TBPL2: variants seen among roughly 807,000 people sequenced by gnomAD.
The protein encoded by TBPL2 is TATA-box binding protein like 2, also known as TATA box-binding protein-like 2.
TBPL2 carries 40 observed loss-of-function variants against 38.2 expected under a neutral mutation model. The ratio of observed to expected loss-of-function variants is 1.05; its 90% confidence interval spans 0.81 to 1.36. The LOEUF (loss-of-function observed/expected upper bound fraction) is 1.36. Among genes scored for constraint, TBPL2 ranks in the 40% most tolerant of loss-of-function variants. The probability of loss-of-function intolerance (pLI) is 0.00; values close to 1 mark genes in which losing one functional copy is unlikely to be tolerated. For synonymous variants in TBPL2, 169 were observed against 171.7 expected (o/e 0.98, Z 0.12); for missense variants, 461 against 456.7 (o/e 1.01, Z -0.09).
chr14:55,427,953 G>A (rs1236625966), intron 5 of TBPL2, among the ~76,000 whole-genome samples: 1 of 120,660 alleles, frequency 8.3e-6, no homozygotes, highest in Admixed American at 9.7e-5. Flanking sequence ...ATCTCTCACT[G>A]CAAGCTCCGT....
chr14:55,427,880 C>CT (rs551473740), intron 5 of TBPL2, among the ~76,000 whole-genome samples: 3,848 of 130,870 alleles, frequency 0.029, 111 homozygotes, highest in African/African-American at 0.061. Flanking sequence ...GTTAGGATTG[C>CT]TTTTTTTTTT....
At chr14:55,427,523 G>C (rs1249036390) in intron 5 of TBPL2, among the ~76,000 whole-genome samples, 3 of 152,176 alleles carry the variant, frequency 2.0e-5, no homozygotes, top group Admixed American at 1.3e-4. Flanking sequence ...GCCAAGAGAA[G>C]ATAAGGCGTT....
intron 1 of TBPL2, among the ~76,000 whole-genome samples, chr14:55,440,052 A>C (rs1275762053): frequency 6.6e-6 from 1 of 151,904 alleles, no homozygotes; most frequent in Non-Finnish European, 1.5e-5. Context: ...GTGAGCTGAG[A>C]TCGCGCCACT....
chr14:55,416,022 G>A (rs552994148), intron 6 of TBPL2, among the ~76,000 whole-genome samples: 1 of 152,286 alleles, frequency 6.6e-6, no homozygotes, highest in Middle Eastern at 3.4e-3. Flanking sequence ...TGTATAAGAA[G>A]TATCCAGAAG....
At chr14:55,435,908 G>A in exon 3 of TBPL2, 1 of 1,581,956 alleles carries the variant, frequency 6.3e-7, no homozygotes, top group Non-Finnish European at 8.5e-7. Context: ...CAACTTACAG[G>A]CCAGGTTTAC....
chr14:55,418,106 T>G (rs1885693485), intron 6 of TBPL2, among the ~76,000 whole-genome samples: 1 of 152,214 alleles, frequency 6.6e-6, no homozygotes, highest in Non-Finnish European at 1.5e-5. Context: ...TTAGGGACAT[T>G]GGCATGGCTA....
intron 1 of TBPL2, 74 bp from the exon 2 acceptor site, chr14:55,437,092 A>T (rs1886028449): frequency 7.5e-7 from 1 of 1,337,652 alleles, no homozygotes. Flanking sequence ...GGATGTCACT[A>T]TGGCAGGCAG....
In TBPL2 at chr14:55,423,146, G is replaced by A. The variant is rs189168436; in HGVS notation, c.1051+1013C>T. Among the ~76,000 whole-genome samples the A allele has an allele frequency of 6.6e-5, 10 of 152,260 alleles. No individual in the cohort carries two copies. In the East Asian group the frequency reaches 1.3e-3, roughly 21 times the overall value. ...CAAAATGCTATTTATTGGATGTGTT[G>A]AAAAATGGTCGATTTCTGTCTCTGA... On this transcript the variant is annotated intron_variant, in intron 6 of 6. Transcript: ENST00000247219.
chr14:55,432,413 A>G (rs757409774), intron 4 of TBPL2, among the ~76,000 whole-genome samples: 18 of 146,098 alleles, frequency 1.2e-4, no homozygotes, highest in Non-Finnish European at 2.8e-4. Flanking sequence ...ACCGTGTCTC[A>G]GAAAAAAAAA....
intron 4 of TBPL2, among the ~76,000 whole-genome samples, chr14:55,433,071 G>A (rs561262343): frequency 1.3e-5 from 2 of 152,256 alleles, no homozygotes; most frequent in East Asian, 1.9e-4. Context: ...TTGTAGCAGC[G>A]CAGTTAAGTC....
chr14:55,419,418 G>A lies in TBPL2; in HGVS notation c.1051+4741C>T, dbSNP rs7158818. Among the ~76,000 whole-genome samples the A allele has an allele frequency of 4.7e-3, 718 of 152,312 alleles. 5 individuals are homozygous for A. The highest frequency in any genetic ancestry group is 0.017 in the African/African-American group (690 of 41,556). On this transcript the variant is annotated intron_variant, in intron 6 of 6. Transcript: ENST00000247219. ...CTTAGAAGTGGAAGTTGACATATTT[G>A]CTGTTTGTTATACCCCATTCCAGCA...
exon 7 of TBPL2, chr14:55,414,408 G>C (rs1336956171): frequency 6.2e-7 from 1 of 1,609,070 alleles, no homozygotes; most frequent in Admixed American, 1.7e-5. Flanking sequence ...TTTAGAATAG[G>C]ATAGATGTTT....
At position 55,439,613 on chromosome 14, in the gene TBPL2, A is replaced by ACCCCCCCCC. The variant is rs143930267; in HGVS notation, c.150+782_150+783insGGGGGGGGG. Reference sequence around the variant, plus strand: ...CAACACCAGCCTGGGGAGAAAAGCAAACCCCCCCCCGTCTCTACTAAAAAA... The same window carrying ACCCCCCCCC: ...CAACACCAGCCTGGGGAGAAAAGCAACCCCCCCCCACCCCCCCCCGTCTCTACTAAAAAA... On this transcript the variant is annotated intron_variant, in intron 1 of 6. Coordinates refer to ENST00000247219, the Ensembl canonical transcript of TBPL2. Among the ~76,000 whole-genome samples the ACCCCCCCCC allele has an allele frequency of 1.4e-3, 65 of 47,956 alleles. 11 individuals are homozygous for ACCCCCCCCC. Among genetic ancestry groups the ACCCCCCCCC allele is most frequent in the East Asian group, 2.8e-3 (3 of 1,066 alleles). 31.5% of individuals were successfully genotyped at this position (47,956 alleles called of 152,430 possible). A position where few individuals can be genotyped will look rare whatever the true frequency, so the allele number is the denominator to read the frequency against.
intron 4 of TBPL2, among the ~76,000 whole-genome samples, chr14:55,433,161 C>T (rs1885959158): frequency 6.6e-6 from 1 of 152,054 alleles, no homozygotes; most frequent in African/African-American, 2.4e-5. Context: ...CAGGGTCTTG[C>T]TCTGTAACTC....
intron 2 of TBPL2, 75 bp downstream of exon 2, chr14:55,436,486 A>G: frequency 1.6e-6 from 2 of 1,275,756 alleles, no homozygotes; most frequent in Admixed American, 4.1e-5. Context: ...ATTATCCTGA[A>G]ATTAGTTGTC....
intron 5 of TBPL2, 146 bp downstream of exon 5, chr14:55,428,661 C>T: frequency 1.2e-6 from 1 of 825,596 alleles, no homozygotes; most frequent in Non-Finnish European, 1.8e-6. Context: ...AGAACTCAGG[C>T]ATAGCATCTT....
chr14:55,419,889 G>C (rs571616472), intron 6 of TBPL2, among the ~76,000 whole-genome samples: 2 of 152,254 alleles, frequency 1.3e-5, no homozygotes, highest in South Asian at 4.1e-4. Context: ...TTCTAGGCAA[G>C]TTATTTACCA....
At chr14:55,438,513 C>G (rs7145182) in intron 1 of TBPL2, among the ~76,000 whole-genome samples, 88,131 of 151,410 alleles carry the variant, frequency 0.58, 25,663 homozygotes, top group Admixed American at 0.65. Flanking sequence ...GGGTCTCCTC[C>G]CGCAATTTAC....
At chr14:55,433,953 A>C (rs547103635) in intron 3 of TBPL2, among the ~76,000 whole-genome samples, 1 of 152,318 alleles carries the variant, frequency 6.6e-6, no homozygotes, top group Non-Finnish European at 1.5e-5. Flanking sequence ...GTTATGTTTC[A>C]GTTCCTATTT....
Sources: allele counts gnomAD v4.1 joint callset (sites outside exome capture counted in the v4.1 genomes callset), GRCh38; gene constraint gnomAD v4.1.1; transcripts MANE v1.5; gene names NCBI Gene and HGNC (gene_info 2026-07-23, HGNC 2026-07-21).